PRKAG2: variants seen among roughly 807,000 people sequenced by gnomAD.
PRKAG2 encodes the protein protein kinase AMP-activated non-catalytic subunit gamma 2.
PRKAG2 carries 26 observed loss-of-function variants against 69.6 expected under a neutral mutation model. That is an observed-to-expected ratio of 0.37 (90% CI 0.27 to 0.52). The LOEUF (loss-of-function observed/expected upper bound fraction) is 0.52, where lower values mean the gene tolerates loss of function less well. Ranked by LOEUF, PRKAG2 falls within the 20% of genes least tolerant of loss-of-function variation. The pLI is 0.90. For synonymous variants in PRKAG2, 293 were observed against 285.0 expected, an observed-to-expected ratio of 1.03 and a Z score of -0.28; for missense variants, 557 against 740.0, an observed-to-expected ratio of 0.75 and a Z score of 2.87.
At chr7:151,646,580 T>G (rs188452825) in intron 4 of PRKAG2, among the ~76,000 whole-genome samples, 178 of 152,306 alleles carry the variant, frequency 1.2e-3, no homozygotes, top group African/African-American at 4.1e-3. Context: ...TTTTGTAGAT[T>G]TCTTAGGATT....
At chr7:151,754,681 T>C (rs1010752501) in intron 3 of PRKAG2, among the ~76,000 whole-genome samples, 7 of 151,918 alleles carry the variant, frequency 4.6e-5, no homozygotes, top group Admixed American at 1.3e-4. Context: ...TTTGGCTTCA[T>C]ATAGTCCCTG....
intron 3 of PRKAG2, among the ~76,000 whole-genome samples, chr7:151,758,722 A>G (rs2075247131): frequency 1.3e-5 from 2 of 152,248 alleles, no homozygotes; most frequent in South Asian, 2.1e-4. Flanking sequence ...AGGCAAGTGC[A>G]TGAAAAGCTC....
At chr7:151,628,580 C>T (rs1274705001) in intron 5 of PRKAG2, among the ~76,000 whole-genome samples, 1 of 152,122 alleles carries the variant, frequency 6.6e-6, no homozygotes, top group Non-Finnish European at 1.5e-5. Context: ...GGCATGGTGG[C>T]ATGCGCCTGT....
At chr7:151,669,833 GGCACACACCTGT>G (rs1291575230) in intron 4 of PRKAG2, among the ~76,000 whole-genome samples, 8 of 34,200 alleles carry the variant, frequency 2.3e-4, no homozygotes, top group Admixed American at 3.4e-4. Context: ...TGCACCTGCA[GGCACACACCTGT>G]GCACACACCT....
intron 3 of PRKAG2, among the ~76,000 whole-genome samples, chr7:151,744,399 T>C (rs887038396): frequency 3.3e-5 from 5 of 152,062 alleles, no homozygotes; most frequent in Non-Finnish European, 7.4e-5. Context: ...CCATGGTTGG[T>C]GCCTAGCCTC....
chr7:151,607,965 G>C (rs973969597), intron 5 of PRKAG2, among the ~76,000 whole-genome samples: 1 of 152,162 alleles, frequency 6.6e-6, no homozygotes, highest in East Asian at 1.9e-4. Flanking sequence ...TGAGGATCTG[G>C]AGATGAGGTT....
intron 4 of PRKAG2, among the ~76,000 whole-genome samples, chr7:151,634,469 A>G (rs780885066): frequency 2.0e-5 from 3 of 152,234 alleles, no homozygotes; most frequent in Non-Finnish European, 2.9e-5. Flanking sequence ...CATTAAAATT[A>G]AGAATTTTTG....
At chr7:151,647,418 G>A (rs914596392) in intron 4 of PRKAG2, among the ~76,000 whole-genome samples, 1 of 152,112 alleles carries the variant, frequency 6.6e-6, no homozygotes, top group African/African-American at 2.4e-5. Context: ...TTATAATTGG[G>A]GAAATCAGAT....
intron 5 of PRKAG2, among the ~76,000 whole-genome samples, chr7:151,613,006 C>G (rs1819231692): frequency 6.6e-6 from 1 of 152,134 alleles, no homozygotes; most frequent in African/African-American, 2.4e-5. Flanking sequence ...CTCAACAGGA[C>G]CCCAGAATAC....
In PRKAG2 at chr7:151,835,322, G is replaced by A. The variant is rs578240986; in HGVS notation, c.114+41185C>T. Among the ~76,000 whole-genome samples the A allele has an allele frequency of 6.6e-6, 1 of 152,170 alleles. No individual in the cohort carries two copies. Among genetic ancestry groups the A allele is most frequent in the East Asian group, 1.9e-4 (1 of 5,166 alleles). ...CAGCCTTGACCTCCTGGGCTCAAGT[G>A]ATCCTCCAGGTAATATTTTTATTTT... On this transcript the variant is annotated intron_variant, in intron 1 of 15. Transcript: ENST00000287878. The surrounding 1 kb of genome is among the most constrained non-coding windows in gnomAD (Gnocchi z 4.1).
intron 14 of PRKAG2, among the ~76,000 whole-genome samples, chr7:151,563,180 T>C (rs141303154): frequency 1.3e-5 from 2 of 152,342 alleles, no homozygotes; most frequent in African/African-American, 4.8e-5. Context: ...GAATCATCAC[T>C]GATACTGTAC....
chr7:151,746,118 G>A (rs1397911033), intron 3 of PRKAG2, among the ~76,000 whole-genome samples: 1 of 152,238 alleles, frequency 6.6e-6, no homozygotes, highest in Non-Finnish European at 1.5e-5. Flanking sequence ...AGCTGGGAAT[G>A]CACCGAAGCC....
intron 3 of PRKAG2, among the ~76,000 whole-genome samples, chr7:151,703,994 G>C (rs1471755750): frequency 6.6e-6 from 1 of 151,836 alleles, no homozygotes; most frequent in Admixed American, 6.6e-5. Context: ...CCTGGGGGGC[G>C]GAGGTTGCAG....
At chr7:151,866,579 G>C (rs1253531209) in intron 1 of PRKAG2, among the ~76,000 whole-genome samples, 2 of 152,134 alleles carry the variant, frequency 1.3e-5, no homozygotes, top group East Asian at 3.9e-4. Context: ...TCAGCACCAT[G>C]AATGCAACTC....
At chr7:151,639,169 C>T (rs1398740955) in intron 4 of PRKAG2, among the ~76,000 whole-genome samples, 1 of 152,200 alleles carries the variant, frequency 6.6e-6, no homozygotes, top group Non-Finnish European at 1.5e-5. Flanking sequence ...CGCAGATGCA[C>T]TTCATCTAAA....
rs185815481 is a variant in PRKAG2 at position 151,840,701 on chromosome 7, C to T, written c.114+35806G>A. On this transcript the variant is annotated intron_variant, in intron 1 of 15. Transcript: ENST00000287878. The stretch of plus-strand genomic sequence containing the variant: ...AAACATGAACCCCCCGGACCTCCGT[C>T]GCCAGAGTGGTCCAGCAGGGTGCAC... 4.8e-3 allele frequency among the ~76,000 whole-genome samples: 736 copies of T among 152,356 alleles called. 28 individuals carry two copies. The highest frequency in any genetic ancestry group is 0.046 in the Admixed American group (708 of 15,302).
chr7:151,710,868 C>G (rs936359603), intron 3 of PRKAG2, among the ~76,000 whole-genome samples: 1 of 152,226 alleles, frequency 6.6e-6, no homozygotes, highest in African/African-American at 2.4e-5. Flanking sequence ...ACAGAGCACT[C>G]ATAGTGGTAG....
chr7:151,595,731 T>A (rs1430577000), intron 5 of PRKAG2, among the ~76,000 whole-genome samples: 4 of 152,218 alleles, frequency 2.6e-5, no homozygotes, highest in Admixed American at 2.6e-4. Flanking sequence ...CTGTATGATT[T>A]TCTACATAGG....
chr7:151,590,749 C>T (rs769038263), intron 6 of PRKAG2, among the ~76,000 whole-genome samples: 8 of 152,374 alleles, frequency 5.3e-5, no homozygotes, highest in Middle Eastern at 3.4e-3. Context: ...CATTTCACAG[C>T]TGCAGAAACC....
Sources: gnomAD v4.1 joint callset for allele counts (sites outside exome capture counted in the v4.1 genomes callset) on GRCh38, gnomAD v4.1.1 for gene constraint, Gnocchi (gnomAD v3.1) non-coding constraint, MANE v1.5 for transcripts, NCBI Gene and HGNC (gene_info 2026-07-23, HGNC 2026-07-21) for gene names.